Variants in CMSS1 observed in about 807,000 individuals in gnomAD.
The protein encoded by CMSS1 is cms1 ribosomal small subunit homolog.
In CMSS1, 33 loss-of-function variants were observed where a neutral mutation model predicts 43.5. The ratio of observed to expected loss-of-function variants is 0.76; its 90% CI spans 0.57 to 1.01. The LOEUF is 1.01. Among genes scored for constraint, CMSS1 ranks in the 50% least tolerant of loss-of-function variants. The pLI, the probability that CMSS1 is intolerant of heterozygous loss-of-function variation, is 0.00. For synonymous variants in CMSS1, 115 were observed against 117.2 expected (o/e 0.98, Z 0.12); for missense variants, 313 against 326.4 (o/e 0.96, Z 0.32).
intron 7 of CMSS1, 127 bp downstream of exon 7, chr3:100,172,026 C>G: frequency 1.3e-6 from 1 of 772,272 alleles, no homozygotes; most frequent in Non-Finnish European, 2.1e-6. Context: ...CATTTAACAA[C>G]TTTTCTGGTT....
chr3:100,118,857 C>T, intron 1 of CMSS1, among the ~76,000 whole-genome samples: 1 of 152,140 alleles, frequency 6.6e-6, no homozygotes, highest in East Asian at 1.9e-4. Context: ...ATTGTGAGTC[C>T]ATAAACAGAA....
chr3:100,074,675 A>ATT lies in CMSS1; in HGVS notation c.65-72263_65-72262dup, dbSNP rs555819875. Among the ~76,000 whole-genome samples the ATT allele has an allele frequency of 3.6e-3, 126 of 34,774 alleles. 42 individuals carry two copies. Among genetic ancestry groups the ATT allele is most frequent in the South Asian group, 5.0e-3 (3 of 604 alleles). 22.8% of individuals were successfully genotyped at this position (34,774 alleles called of 152,430 possible). A position where few individuals can be genotyped will look rare whatever the true frequency, so the allele number is the denominator to read the frequency against. On this transcript the variant is annotated intron_variant, in intron 1 of 9. Transcript: ENST00000421999. ...ATTTTCTATGCATGTGCAACATTTG[A>ATT]TTTTTTTTTTTTTTTTTTTTTTTTT... is the stretch of plus-strand genomic sequence containing the variant.
chr3:100,117,665 T>C (rs899947922), intron 1 of CMSS1, among the ~76,000 whole-genome samples: 1 of 151,250 alleles, frequency 6.6e-6, no homozygotes, highest in African/African-American at 2.4e-5. Context: ...AGAAAACAAC[T>C]AATGTAAAAT....
At chr3:100,033,433 C>G (rs2065053173) in intron 1 of CMSS1, among the ~76,000 whole-genome samples, 1 of 152,178 alleles carries the variant, frequency 6.6e-6, no homozygotes, top group South Asian at 2.1e-4. Context: ...AATCACAGCT[C>G]CTAGAGCTTT....
intron 1 of CMSS1, among the ~76,000 whole-genome samples, chr3:99,838,949 C>A (rs902431657): frequency 3.3e-5 from 5 of 152,106 alleles, no homozygotes; most frequent in African/African-American, 9.7e-5. Context: ...AGGTCTTTGC[C>A]CTTTAAGCCT....
chr3:100,113,835 AC>A (rs1259443776), intron 1 of CMSS1, among the ~76,000 whole-genome samples: 2 of 152,170 alleles, frequency 1.3e-5, no homozygotes, highest in African/African-American at 4.8e-5. Context: ...AGTAAAACTT[AC>A]CTACTGTCAG....
intron 1 of CMSS1, among the ~76,000 whole-genome samples, chr3:99,983,388 A>AT (rs1491480374): frequency 0.06 from 1,019 of 16,996 alleles, 38 homozygotes; most frequent in African/African-American, 0.071. Context: ...ATAAATAAAT[A>AT]AATATATATA....
At chr3:99,851,929 C>T (rs766299105) in intron 1 of CMSS1, among the ~76,000 whole-genome samples, 2 of 152,086 alleles carry the variant, frequency 1.3e-5, no homozygotes, top group Non-Finnish European at 2.9e-5. Flanking sequence ...GAAGAGCATG[C>T]GGTTTGGTAG....
intron 1 of CMSS1, among the ~76,000 whole-genome samples, chr3:99,827,384 A>C (rs1942555203): frequency 6.6e-6 from 1 of 151,692 alleles, no homozygotes; most frequent in Non-Finnish European, 1.5e-5. Context: ...TAGAGATGGA[A>C]TTTCGCCATG....
At chr3:99,900,408 A>T (rs1706397217) in intron 1 of CMSS1, among the ~76,000 whole-genome samples, 1 of 152,224 alleles carries the variant, frequency 6.6e-6, no homozygotes, top group African/African-American at 2.4e-5. Context: ...CAGCAGCCCT[A>T]TAAGGGTTAT....
At chr3:99,894,636 A>G (rs1488019478) in intron 1 of CMSS1, among the ~76,000 whole-genome samples, 1 of 152,232 alleles carries the variant, frequency 6.6e-6, no homozygotes, top group Non-Finnish European at 1.5e-5. Flanking sequence ...GAAGTTTACT[A>G]TCTTGCAGAA....
intron 1 of CMSS1, among the ~76,000 whole-genome samples, chr3:100,012,062 G>A (rs1194027827): frequency 1.3e-5 from 2 of 152,176 alleles, no homozygotes; most frequent in Admixed American, 1.3e-4. Flanking sequence ...GGGGTGGTAT[G>A]TGGTAAGCAA....
Position 100,179,758 on chromosome 3 carries a change from C to G in CMSS1, c.*1370C>G, listed in dbSNP as rs917250090. The G allele has an allele frequency of 2.6e-5, 4 of 152,354 alleles. No homozygotes were observed. Among genetic ancestry groups the G allele is most frequent in the South Asian group, 2.1e-4 (1 of 4,828 alleles). 9.4% of individuals were successfully genotyped at this position (152,354 alleles called of 1,614,324 possible). A position where few individuals can be genotyped will look rare whatever the true frequency, so the allele number is the denominator to read the frequency against. ...TTCTGGGGTCTGGAGGATGATGGCT[C>G]TCTTCTCACAGCTCCACTAGGCAGT... On this transcript the variant is annotated 3_prime_UTR_variant, in exon 10 of 10. Transcript: ENST00000421999.
chr3:99,842,648 T>G (rs2107508651), intron 1 of CMSS1, among the ~76,000 whole-genome samples: 1 of 152,296 alleles, frequency 6.6e-6, no homozygotes, highest in East Asian at 1.9e-4. Flanking sequence ...TAAGATAAGT[T>G]TTATTTCTCT....
chr3:99,971,133 C>T (rs994848743), intron 1 of CMSS1, among the ~76,000 whole-genome samples: 21 of 152,028 alleles, frequency 1.4e-4, no homozygotes, highest in Non-Finnish European at 2.2e-4. Flanking sequence ...GTCAGGAGAT[C>T]GAGACCATCC....
chr3:99,897,498 A>G (rs755298733), intron 1 of CMSS1, among the ~76,000 whole-genome samples: 22 of 152,210 alleles, frequency 1.4e-4, no homozygotes, highest in Non-Finnish European at 8.8e-5. Context: ...TTTGCCTGAC[A>G]CCAAATTTTG....
rs1575975235 is a variant in CMSS1, at chr3:100,039,418, G to A, written c.65-107555G>A. ...CAGTATGTAGTATAAAGATTTCACAGTATAAAGATTTCAGTGGAGTTCTAC... is the reference window on the plus strand; with the variant it reads ...CAGTATGTAGTATAAAGATTTCACAATATAAAGATTTCAGTGGAGTTCTAC... On this transcript the variant is annotated intron_variant, in intron 1 of 9. Transcript: ENST00000421999. 2.6e-5 allele frequency among the ~76,000 whole-genome samples: 4 copies of A among 152,234 alleles called. 1 individual carries two copies. The South Asian group carries it at 8.3e-4, about 32-fold the overall frequency.
intron 1 of CMSS1, among the ~76,000 whole-genome samples, chr3:99,973,129 A>G (rs1378349598): frequency 2.6e-5 from 4 of 152,250 alleles, no homozygotes; most frequent in Admixed American, 6.5e-5. Context: ...CACCTGAATA[A>G]TAAAAGCCAA....
At chr3:99,952,698 T>C (rs1708212522) in intron 1 of CMSS1, among the ~76,000 whole-genome samples, 1 of 152,206 alleles carries the variant, frequency 6.6e-6, no homozygotes, top group Non-Finnish European at 1.5e-5. Flanking sequence ...CCTATATTTT[T>C]AAATAATATC....
Sources: gnomAD v4.1 joint callset for allele counts (sites outside exome capture counted in the v4.1 genomes callset) on GRCh38, gnomAD v4.1.1 for gene constraint, MANE v1.5 for transcripts, NCBI Gene and HGNC (gene_info 2026-07-23, HGNC 2026-07-21) for gene names.